Variants in XRN1 observed in about 807,000 individuals in gnomAD.
The protein encoded by XRN1 is 5'-3' exoribonuclease 1.
In XRN1, 67 loss-of-function variants were observed where a neutral mutation model predicts 222.3. The ratio of observed to expected loss-of-function variants is 0.30; its 90% CI spans 0.25 to 0.37. The LOEUF (loss-of-function observed/expected upper bound fraction) is 0.37. Ranked by LOEUF, XRN1 falls within the 10% of genes least tolerant of loss-of-function variation. XRN1 has a pLI of 1.00. For synonymous variants in XRN1, 643 were observed against 652.4 expected, an observed-to-expected ratio of 0.99 and a Z score of 0.22; for missense variants, 1,707 against 2,000.2, an observed-to-expected ratio of 0.85 and a Z score of 2.80.
intron 37 of XRN1, among the ~76,000 whole-genome samples, chr3:142,327,487 CT>C (rs779931084): frequency 6.6e-6 from 1 of 150,978 alleles, no homozygotes. Flanking sequence ...GATATTCTCT[CT>C]TTTACAGTCC....
rs531237147 is a variant in XRN1 at position 142,311,648 on chromosome 3, G to A, written c.4948C>T (p.Pro1650Ser). The A allele has an allele frequency of 4.3e-6, 7 of 1,614,124 alleles. No homozygotes were observed. In the East Asian group the frequency reaches 1.6e-4, roughly 36 times the overall value. Residue 1650 changes from proline (P) to serine (S), a missense_variant, in exon 41 of 41, where the codon CCT becomes TCT. Transcript: ENST00000392981. Reference sequence around the variant, plus strand: ...GTTTCAACTTGAAAAGAAGATGCAGGTTGAGCAATCGGAGAGGACTTCAAA... The same window carrying A: ...GTTTCAACTTGAAAAGAAGATGCAGATTGAGCAATCGGAGAGGACTTCAAA... ...ASLKSSPIAQ[P>S]ASSFQVETAS... is the part of the protein sequence containing the mutation.
In XRN1 at chr3:142,420,296, A is replaced by C. The variant is rs546636684; in HGVS notation, c.1173+720T>G. ...GAAATCGCAGGGCATCAGCACATCC[A>C]GAGTGCAATGGATAAACCTCGCCCT... On this transcript the variant is annotated intron_variant, in intron 10 of 40. Transcript: ENST00000392981. The C allele has an allele frequency of 1.8e-4, 28 of 152,402 alleles. 1 individual carries two copies. Among genetic ancestry groups the C allele is most frequent in the Admixed American group, 5.9e-4 (9 of 15,312 alleles). The allele number at this position is 152,402 out of a possible 1,614,324, so 9.4% of individuals were successfully genotyped here.
intron 33 of XRN1, among the ~76,000 whole-genome samples, chr3:142,342,112 G>C (rs944240043): frequency 1.1e-4 from 16 of 152,104 alleles, no homozygotes; most frequent in African/African-American, 3.9e-4. Context: ...AAAGTTTCAG[G>C]ATGCAAAATC....
At chr3:142,336,353 T>C (rs978096915) in intron 33 of XRN1, among the ~76,000 whole-genome samples, 4 of 152,034 alleles carry the variant, frequency 2.6e-5, no homozygotes, top group Admixed American at 6.6e-5. Flanking sequence ...CTATAACTTA[T>C]TTTTACCACT....
At chr3:142,370,678 T>G (rs961805347) in intron 26 of XRN1, 58 bp from the exon 27 acceptor site, 2 of 1,435,948 alleles carry the variant, frequency 1.4e-6, no homozygotes. Context: ...GGCTATAAAT[T>G]ATAAAAGACA....
rs192723219 is a variant in XRN1 at position 142,352,453 on chromosome 3, A to G, written c.3768+2948T>C. On this transcript the variant is annotated intron_variant, in intron 32 of 40. Coordinates refer to ENST00000392981, the MANE Select transcript of XRN1 (RefSeq NM_001282857.2). Reference sequence around the variant, plus strand: ...TCTTGTCACCTTAATTTTTTTCTTTATTCTTTAAGTTATGACATATACACT... The same window carrying G: ...TCTTGTCACCTTAATTTTTTTCTTTGTTCTTTAAGTTATGACATATACACT... 3.2e-4 allele frequency among the ~76,000 whole-genome samples: 49 copies of G among 152,166 alleles called. 1 individual carries two copies. Among genetic ancestry groups the G allele is most frequent in the Admixed American group, 2.7e-3 (41 of 15,290 alleles).
chr3:142,415,948 T>G (rs1420695634), intron 13 of XRN1, among the ~76,000 whole-genome samples: 1 of 152,258 alleles, frequency 6.6e-6, no homozygotes, highest in Non-Finnish European at 1.5e-5. Context: ...ATAAAATGAT[T>G]ACTATTCTCC....
At chr3:142,375,622 C>T (rs1352215823) in intron 25 of XRN1, among the ~76,000 whole-genome samples, 176 bp downstream of exon 25, 1 of 152,134 alleles carries the variant, frequency 6.6e-6, no homozygotes, top group East Asian at 1.9e-4. Flanking sequence ...TATTTTTCTA[C>T]TCAATTTTAG....
Position 142,423,574 on chromosome 3 carries a change from G to A in XRN1, c.696C>T (p.Gly232=). ...SLLREEVRFG[G]KKTQRVCAPE... is the part of the protein sequence containing the mutation. The stretch of plus-strand genomic sequence containing the variant: ...ATATAATTTACCGTTGTGTTTTTTT[G>A]CCACCAAATCGAACTTCTTCTCTTA... Residue 232 remains glycine (G), a synonymous_variant, in exon 6 of 41, where the codon GGC becomes GGT. Transcript: ENST00000392981. 1 of 1,596,050 alleles carries A rather than the reference G, an allele frequency of 6.3e-7. No homozygotes were observed. The highest frequency in any genetic ancestry group is 1.8e-5 in the Admixed American group (1 of 56,826).
Position 142,355,477 on chromosome 3 carries a change from T to A in XRN1, c.3692A>T (p.Asp1231Val), listed in dbSNP as rs542350761. 1 of 1,596,890 alleles carries A rather than the reference T, an allele frequency of 6.3e-7. No homozygotes were observed. Among genetic ancestry groups the A allele is most frequent in the Middle Eastern group, 1.7e-4 (1 of 5,968 alleles). ...VPTQVPTKDD[D>V]EFCNIWQSLQ... ...GGACTGCCAAATGTTGCAGAATTCA[T>A]CATCATCTTTAGTAGGTACCTAGCA... The change falls in exon 32 of 41, where the codon GAT becomes GTT. Residue 1231 changes from aspartate (D) to valine (V), a missense_variant. Transcript: ENST00000392981.
intron 39 of XRN1, chr3:142,313,223 T>C (rs768120876): frequency 6.4e-7 from 1 of 1,563,688 alleles, no homozygotes; most frequent in South Asian, 1.2e-5. Context: ...ATCACCTTCA[T>C]ATGACAGGTA....
intron 19 of XRN1, among the ~76,000 whole-genome samples, chr3:142,399,946 AAAT>A (rs1234908376): frequency 1.2e-4 from 18 of 151,996 alleles, no homozygotes; most frequent in African/African-American, 2.2e-4. Flanking sequence ...AATTTATATG[AAAT>A]AATAAAAAAA....
At chr3:142,347,153 T>C in intron 33 of XRN1, 81 bp downstream of exon 33, 2 of 1,005,312 alleles carry the variant, frequency 2.0e-6, no homozygotes, top group East Asian at 5.3e-5. Flanking sequence ...CTTTATGGTA[T>C]GTAAATTATA....
chr3:142,396,695 G>A (rs2067946858), intron 20 of XRN1, among the ~76,000 whole-genome samples: 2 of 152,166 alleles, frequency 1.3e-5, no homozygotes, highest in African/African-American at 4.8e-5. Flanking sequence ...GCTTATCCAT[G>A]GATAGGAAGG....
chr3:142,319,158 T>C (rs1409642547), intron 37 of XRN1, among the ~76,000 whole-genome samples: 1 of 152,214 alleles, frequency 6.6e-6, no homozygotes, highest in Non-Finnish European at 1.5e-5. Context: ...AACTGTTTTC[T>C]TTATACAAGG....
At position 142,438,609 on chromosome 3, in the gene XRN1, T is replaced by C. The variant is rs531756611; in HGVS notation, c.76-5716A>G. On this transcript the variant is annotated intron_variant, in intron 1 of 40. Transcript: ENST00000392981. The stretch of plus-strand genomic sequence containing the variant: ...CCACAAGGCAAAAACGCCCCTAAGA[T>C]GTATTCTGGAGAATGGGACCAATCT... 2.6e-5 allele frequency among the ~76,000 whole-genome samples: 4 copies of C among 152,174 alleles called. No individual in the cohort carries two copies. The South Asian group carries it at 8.3e-4, about 32-fold the overall frequency.
chr3:142,430,203 C>T (rs892063764), intron 2 of XRN1, among the ~76,000 whole-genome samples: 10 of 152,284 alleles, frequency 6.6e-5, no homozygotes, highest in East Asian at 3.9e-4. Context: ...TTATCCCTTA[C>T]GGCTCACCTA....
chr3:142,337,135 T>C (rs2065872196), intron 33 of XRN1, among the ~76,000 whole-genome samples: 1 of 152,156 alleles, frequency 6.6e-6, no homozygotes, highest in Non-Finnish European at 1.5e-5. Flanking sequence ...CACTTGATAT[T>C]TCCTCTACTG....
chr3:142,331,647 A>G (rs2065698505), intron 36 of XRN1, among the ~76,000 whole-genome samples: 1 of 152,224 alleles, frequency 6.6e-6, no homozygotes, highest in Non-Finnish European at 1.5e-5. Flanking sequence ...CTGAGGACAA[A>G]AGCTAGAATG....
Sources: allele counts gnomAD v4.1 joint callset (sites outside exome capture counted in the v4.1 genomes callset), GRCh38; gene constraint gnomAD v4.1.1; transcripts MANE v1.5; gene names NCBI Gene and HGNC (gene_info 2026-07-23, HGNC 2026-07-21).